GPR137: variants seen among roughly 807,000 people sequenced by gnomAD.
GPR137 encodes integral membrane protein GPR137.
Under a neutral mutation model 38.9 loss-of-function variants are expected in GPR137, and 20 were observed. The ratio of observed to expected loss-of-function variants is 0.51; its 90% confidence interval spans 0.36 to 0.75. The LOEUF (loss-of-function observed/expected upper bound fraction) is 0.75. Among genes scored for constraint, GPR137 ranks in the 30% least tolerant of loss-of-function variants. The pLI is 0.00. For synonymous variants in GPR137, 226 were observed against 235.8 expected, an observed-to-expected ratio of 0.96 and a Z score of 0.38; for missense variants, 456 against 526.4, an observed-to-expected ratio of 0.87 and a Z score of 1.31.
rs761737204 is a variant in GPR137, at chr11:64,286,477, G to T, written c.-48G>T. 1.3e-6 allele frequency: 2 copies of T among 1,564,630 alleles called. No individual in the cohort carries two copies. Among genetic ancestry groups the T allele is most frequent in the South Asian group, 1.2e-5 (1 of 83,822 alleles). On this transcript the variant is annotated 5_prime_UTR_variant, in exon 1 of 7. Coordinates refer to ENST00000438980, the MANE Select transcript of GPR137 (RefSeq NM_001170880.2). Reference sequence around the variant, plus strand: ...CCGTATTTATTTCCCTGGTCCCGCCGACAGTCCCTCCTTGTCTGTCTCCGG... The same window carrying T: ...CCGTATTTATTTCCCTGGTCCCGCCTACAGTCCCTCCTTGTCTGTCTCCGG...
chr11:64,286,145 G>C lies in GPR137; in HGVS notation c.-380G>C, dbSNP rs189619923. 9.7e-7 allele frequency: 1 copy of C among 1,027,414 alleles called. No homozygotes were observed. Among genetic ancestry groups the C allele is most frequent in the South Asian group, 4.4e-5 (1 of 22,494 alleles). The allele number at this position is 1,027,414 out of a possible 1,614,324, so 63.6% of individuals were successfully genotyped here. ...GCCCTGACCCGACGGGTATCAGCCG[G>C]CTCTCCCCCTCCACCCAGGACGACA... On this transcript the variant is annotated 5_prime_UTR_variant, in exon 1 of 7. Coordinates refer to ENST00000438980, the MANE Select transcript of GPR137 (RefSeq NM_001170880.2).
intron 2 of GPR137, among the ~76,000 whole-genome samples, chr11:64,278,085 C>T (rs1431482376): frequency 6.6e-6 from 1 of 152,056 alleles, no homozygotes; most frequent in Non-Finnish European, 1.5e-5. Flanking sequence ...GCCAGGAGTT[C>T]GAGACCAGCC....
At chr11:64,285,599 C>T (rs1043375400), upstream of GPR137, 62 of 984,110 alleles carry the variant, frequency 6.3e-5, no homozygotes, top group Admixed American at 1.8e-4. Flanking sequence ...CTGGCGGACC[C>T]CCATACAAGT....
Position 64,288,126 on chromosome 11 carries a change from G to A in GPR137, c.695G>A (p.Arg232Gln). The change falls in exon 4 of 7, where the codon CGG becomes CAG. Residue 232 changes from arginine (R) to glutamine (Q), a missense_variant. By Grantham distance (43) the Arg-to-Gln change is conservative. Transcript: ENST00000438980. This position sits in a 1 kb window ranked among gnomAD's most constrained non-coding sequence, Gnocchi z 5.5. Reference sequence around the variant, plus strand: ...GCCATGGTCCTGCTCTATGCCAGCCGGGCCTGCTACAACCTGACAGCACTG... The same window carrying A: ...GCCATGGTCCTGCTCTATGCCAGCCAGGCCTGCTACAACCTGACAGCACTG... ...GGAMVLLYAS[R>Q]ACYNLTALAL... 6.2e-7 allele frequency: 1 copy of A among 1,612,680 alleles called. No individual in the cohort carries two copies. Among genetic ancestry groups the A allele is most frequent in the Non-Finnish European group, 8.5e-7 (1 of 1,179,986 alleles).
chr11:64,272,494 C>A (rs774818113), upstream of GPR137, among the ~76,000 whole-genome samples: 4 of 152,150 alleles, frequency 2.6e-5, no homozygotes, highest in East Asian at 1.9e-4. Context: ...CTGCAAGGGA[C>A]CTGCAGAGCC....
At chr11:64,271,808 A>T, upstream of GPR137, 1 of 1,398,572 alleles carries the variant, frequency 7.2e-7, no homozygotes, top group East Asian at 2.8e-5. Flanking sequence ...CAGCGCCTGC[A>T]GAGGGTCAGT....
At chr11:64,271,431 G>A (rs1039004184), upstream of GPR137, among the ~76,000 whole-genome samples, 2 of 149,972 alleles carry the variant, frequency 1.3e-5, no homozygotes, top group Admixed American at 1.3e-4. Context: ...GCTGGGGAGT[G>A]GGGGCGGGGA....
upstream of GPR137, among the ~76,000 whole-genome samples, chr11:64,282,265 T>C (rs1229766405): frequency 1.3e-5 from 2 of 151,954 alleles, no homozygotes; most frequent in Non-Finnish European, 2.9e-5. Context: ...CAGGGGAAGT[T>C]TGTGAGCAGA....
chr11:64,284,787 C>A (rs1387157810), upstream of GPR137: 2 of 1,530,846 alleles, frequency 1.3e-6, no homozygotes, highest in Admixed American at 2.0e-5. Context: ...CGGGGTCAAC[C>A]CGGCCCGGCC....
Position 64,288,503 on chromosome 11 carries a change from G to C in GPR137, c.912+35G>C, listed in dbSNP as rs768608258. Reference sequence around the variant, plus strand: ...TGCTCCCTCTTCTGTGGGGCCAGTGGAGGGGGCGGATGTTGCAAATCCTGG... The same window carrying C: ...TGCTCCCTCTTCTGTGGGGCCAGTGCAGGGGGCGGATGTTGCAAATCCTGG... On this transcript the variant is annotated intron_variant, in intron 5 of 6. Transcript: ENST00000438980. This position sits in a 1 kb window ranked among gnomAD's most constrained non-coding sequence, Gnocchi z 5.5. The C allele has an allele frequency of 6.2e-7, 1 of 1,612,996 alleles. No individual in the cohort carries two copies. Among genetic ancestry groups the C allele is most frequent in the South Asian group, 1.1e-5 (1 of 91,036 alleles).
Position 64,289,101 on chromosome 11 carries a change from G to A in GPR137, c.1096G>A (p.Gly366Arg). The change falls in exon 7 of 7, where the codon GGG (glycine) becomes AGG (arginine). Residue 366 changes from glycine (G) to arginine (R), a missense_variant. By Grantham distance (125) the Gly-to-Arg change is moderately radical. Coordinates refer to ENST00000438980, the MANE Select transcript of GPR137 (RefSeq NM_001170880.2). ...CATCGGGCGTGAGCCGGGCTGGTATGGGGGCAGCCAGACGAAGACCACTCC... is the reference window on the plus strand; with the variant it reads ...CATCGGGCGTGAGCCGGGCTGGTATAGGGGCAGCCAGACGAAGACCACTCC... The part of the protein sequence containing the change: ...GAIGREPGWY[G>R]GSQTKTTPLL... 1.9e-6 allele frequency: 3 copies of A among 1,612,318 alleles called. No homozygotes were observed. Among genetic ancestry groups the A allele is most frequent in the Non-Finnish European group, 2.5e-6 (3 of 1,179,688 alleles).
rs1423372982 is a variant in GPR137, at chr11:64,285,977, GA to G, written c.-547del. The G allele has an allele frequency of 2.0e-6, 2 of 977,302 alleles. No homozygotes were observed. Among genetic ancestry groups the G allele is most frequent in the Admixed American group, 6.1e-5 (1 of 16,268 alleles). The allele number at this position is 977,302 out of a possible 1,614,324, so 60.5% of individuals were successfully genotyped here. ...AGGCTGGAGCGTGGACGCGGTGGGG[GA>G]GGGTGGGGCGGGGGCAGCTTTCGAG... On this transcript the variant is annotated 5_prime_UTR_variant, in exon 1 of 7. Coordinates refer to ENST00000438980, the MANE Select transcript of GPR137 (RefSeq NM_001170880.2).
chr11:64,284,832 C>T, upstream of GPR137: 2 of 1,518,030 alleles, frequency 1.3e-6, no homozygotes, highest in Non-Finnish European at 8.8e-7. Flanking sequence ...TCCTCGTCCG[C>T]ATCCTTTTTC....
upstream of GPR137, chr11:64,284,516 G>C (rs1280681613): frequency 1.0e-5 from 16 of 1,543,148 alleles, no homozygotes; most frequent in Non-Finnish European, 1.4e-5. Context: ...TCATCTGTCT[G>C]CCGGGTCTGG....
chr11:64,284,207 C>T (rs1415404761), upstream of GPR137: 3 of 1,601,958 alleles, frequency 1.9e-6, no homozygotes, highest in Non-Finnish European at 2.6e-6. Context: ...TGCTGGTTGG[C>T]TGCTCCTGCT....
Position 64,289,451 on chromosome 11 carries a change from C to T in GPR137, c.*255C>T. The T allele has an allele frequency of 6.6e-7, 1 of 1,505,470 alleles. No homozygotes were observed. The highest frequency in any genetic ancestry group is 8.8e-7 in the Non-Finnish European group (1 of 1,132,860). The allele number at this position is 1,505,470 out of a possible 1,614,324, so 93.3% of individuals were successfully genotyped here. ...CTGCTTCCACACCGGAGCCAGCTAC[C>T]TCTCCTGTGCCTGCCACTCAATAAA... is the stretch of plus-strand genomic sequence containing the variant. On this transcript the variant is annotated 3_prime_UTR_variant, in exon 7 of 7. Transcript: ENST00000438980.
chr11:64,285,695 T>G, upstream of GPR137: 4 of 985,130 alleles, frequency 4.1e-6, no homozygotes, highest in Non-Finnish European at 4.8e-6. Flanking sequence ...TCCTGCCGCC[T>G]CCCGTAACCC....
At position 64,286,725 on chromosome 11, in the gene GPR137, G is replaced by A; in HGVS notation, c.201G>A (p.Leu67=). ...SYQTVFLALC[L]LWAALRTTLF... is the part of the protein sequence containing the mutation. ...AGACGGTGTTCCTGGCCCTCTGTCT[G>A]CTCTGGGCCGCCTTGCGTACCACCC... Residue 67 remains leucine (L), a synonymous_variant, in exon 1 of 7, where the codon CTG becomes CTA. Transcript: ENST00000438980. The A allele has an allele frequency of 6.2e-7, 1 of 1,613,566 alleles. No homozygotes were observed. The highest frequency in any genetic ancestry group is 8.5e-7 in the Non-Finnish European group (1 of 1,179,706).
chr11:64,279,873 C>T (rs538046856), upstream of GPR137, among the ~76,000 whole-genome samples: 103 of 152,026 alleles, frequency 6.8e-4, 1 homozygote, highest in South Asian at 9.4e-3. Context: ...TTCATCCTAC[C>T]GGGTGCTCAA....
Sources: allele counts gnomAD v4.1 joint callset (sites outside exome capture counted in the v4.1 genomes callset), GRCh38; gene constraint gnomAD v4.1.1; non-coding constraint Gnocchi (gnomAD v3.1); transcripts MANE v1.5; gene names NCBI Gene and HGNC (gene_info 2026-07-23, HGNC 2026-07-21).